The following VWA8 variants were observed in gnomAD, a reference collection of about 807,000 sequenced individuals.
VWA8 encodes von Willebrand factor A domain containing 8.
Under a neutral mutation model 241.5 loss-of-function variants are expected in VWA8, and 221 were observed. That is an observed-to-expected ratio of 0.91 (90% confidence interval 0.82 to 1.02). VWA8 has a LOEUF of 1.02. Ranked by LOEUF, VWA8 falls within the 50% of genes least tolerant of loss-of-function variation. VWA8 has a pLI of 0.00. For missense variants in VWA8, 2,322 were observed against 2,328.7 expected (o/e 1.00, Z 0.06); for synonymous variants, 852 against 827.1 (o/e 1.03, Z -0.52).
intron 12 of VWA8, among the ~76,000 whole-genome samples, chr13:41,863,432 T>A (rs1157707678): frequency 1.3e-5 from 1 of 79,954 alleles, no homozygotes; most frequent in Admixed American, 1.2e-4. Flanking sequence ...TGTGTGTGTG[T>A]GTATATATAT....
chr13:41,811,784 T>C (rs1357055058), intron 16 of VWA8, among the ~76,000 whole-genome samples: 1 of 152,164 alleles, frequency 6.6e-6, no homozygotes, highest in Non-Finnish European at 1.5e-5. Flanking sequence ...ATTTAGGCTG[T>C]TGGCCACAGA....
intron 26 of VWA8, among the ~76,000 whole-genome samples, chr13:41,705,791 G>A (rs911030531): frequency 2.0e-5 from 3 of 152,180 alleles, no homozygotes; most frequent in African/African-American, 7.2e-5. Context: ...AGAGTAGAGA[G>A]AAGTGTCACT....
intron 1 of VWA8, among the ~76,000 whole-genome samples, chr13:41,950,718 G>C (rs1351652846): frequency 2.1e-5 from 3 of 143,738 alleles, no homozygotes; most frequent in African/African-American, 7.9e-5. Flanking sequence ...ACCCAGGCTG[G>C]AGTGCAGTGA....
intron 7 of VWA8, 127 bp from the exon 8 acceptor site, chr13:41,886,155 A>C: frequency 1.5e-6 from 1 of 663,602 alleles, no homozygotes; most frequent in Non-Finnish European, 2.5e-6. Context: ...CTTAAGGAAC[A>C]ATGGTTCCGC....
chr13:41,756,905 C>A (rs1347044256), intron 21 of VWA8, among the ~76,000 whole-genome samples: 2 of 151,626 alleles, frequency 1.3e-5, no homozygotes, highest in Non-Finnish European at 3.0e-5. Flanking sequence ...AAACACTATG[C>A]AATCAAAACA....
intron 17 of VWA8, among the ~76,000 whole-genome samples, chr13:41,800,195 T>A (rs1869886063): frequency 6.6e-6 from 1 of 152,214 alleles, no homozygotes; most frequent in Non-Finnish European, 1.5e-5. Flanking sequence ...GTCATTTGTT[T>A]CCAGTTTTTC....
At chr13:41,742,829 C>T (rs923270986) in intron 21 of VWA8, among the ~76,000 whole-genome samples, 1 of 152,170 alleles carries the variant, frequency 6.6e-6, no homozygotes, top group African/African-American at 2.4e-5. Context: ...GTTCAACATG[C>T]ATTTTTCAAT....
At chr13:41,571,489 C>T (rs2044303903) in intron 43 of VWA8, among the ~76,000 whole-genome samples, 1 of 152,164 alleles carries the variant, frequency 6.6e-6, no homozygotes, top group East Asian at 1.9e-4. Flanking sequence ...CCTGGGATTG[C>T]AGGTGCCCGC....
intron 37 of VWA8, among the ~76,000 whole-genome samples, chr13:41,630,019 C>T (rs1030050530): frequency 6.6e-6 from 1 of 152,140 alleles, no homozygotes; most frequent in African/African-American, 2.4e-5. Context: ...CCTCAGTGGG[C>T]ATTTCTATTT....
At chr13:41,569,063 C>T (rs139725548) in intron 44 of VWA8, among the ~76,000 whole-genome samples, 63 of 151,164 alleles carry the variant, frequency 4.2e-4, no homozygotes, top group East Asian at 3.9e-3. Flanking sequence ...TTCAAAAGAA[C>T]GCCTCCTTTC....
chr13:41,921,319 A>G (rs908176087), intron 2 of VWA8, among the ~76,000 whole-genome samples: 4 of 152,190 alleles, frequency 2.6e-5, no homozygotes, highest in African/African-American at 4.8e-5. Context: ...TGACAAACCC[A>G]CAGCCAACAT....
intron 33 of VWA8, 107 bp from the exon 34 acceptor site, chr13:41,689,615 AAAGAG>A (rs1380663320): frequency 2.6e-6 from 3 of 1,156,050 alleles, no homozygotes; most frequent in Non-Finnish European, 3.4e-6. Flanking sequence ...ACAAGTTAAA[AAAGAG>A]AAAACATTTT....
At chr13:41,787,607 T>TACATACAC (rs1555335590) in intron 17 of VWA8, 64 bp from the exon 18 acceptor site, 1 of 583,390 alleles carries the variant, frequency 1.7e-6, no homozygotes, top group African/African-American at 1.9e-5. Flanking sequence ...GATTCTTAAA[T>TACATACAC]ACACACACAC....
At chr13:41,748,006 T>C (rs1053518323) in intron 21 of VWA8, among the ~76,000 whole-genome samples, 1 of 152,198 alleles carries the variant, frequency 6.6e-6, no homozygotes. Flanking sequence ...TTGCCAGTAT[T>C]TTATTGAGGA....
intron 2 of VWA8, chr13:41,927,294 G>T: frequency 1.9e-6 from 1 of 516,796 alleles, no homozygotes; most frequent in South Asian, 1.5e-5. Context: ...CCAAAGACAA[G>T]GAGAATGTAG....
intron 24 of VWA8, 124 bp downstream of exon 24, chr13:41,727,070 T>C (rs1418460600): frequency 1.3e-6 from 1 of 753,376 alleles, no homozygotes. Context: ...ATAATAAATA[T>C]TCTCACAAGG....
intron 43 of VWA8, among the ~76,000 whole-genome samples, chr13:41,571,420 C>T (rs1028873842): frequency 6.6e-6 from 1 of 151,280 alleles, no homozygotes; most frequent in Non-Finnish European, 1.5e-5. Flanking sequence ...ACTGTACTGC[C>T]GCCATCTCGG....
At chr13:41,907,281 A>G (rs111509879) in intron 4 of VWA8, among the ~76,000 whole-genome samples, 4,110 of 152,252 alleles carry the variant, frequency 0.027, 197 homozygotes, top group African/African-American at 0.091. Flanking sequence ...AATCTCCTTA[A>G]TTCATTTTTT....
intron 37 of VWA8, among the ~76,000 whole-genome samples, chr13:41,651,342 C>T (rs2044868154): frequency 6.6e-6 from 1 of 152,130 alleles, no homozygotes; most frequent in African/African-American, 2.4e-5. Context: ...TTTATTTTCC[C>T]CCTTTCCTTC....
Sources: gnomAD v4.1 joint callset for allele counts (sites outside exome capture counted in the v4.1 genomes callset) on GRCh38, gnomAD v4.1.1 for gene constraint, MANE v1.5 for transcripts, NCBI Gene and HGNC (gene_info 2026-07-23, HGNC 2026-07-21) for gene names.